The following KIF26B variants were observed in gnomAD, a reference collection of about 807,000 sequenced individuals.
The protein encoded by KIF26B is kinesin-like protein KIF26B.
KIF26B carries 63 observed loss-of-function variants against 151.2 expected under a neutral mutation model. That is an observed-to-expected ratio of 0.42 (90% CI 0.34 to 0.51). The LOEUF (loss-of-function observed/expected upper bound fraction) is 0.51, where lower values mean the gene tolerates loss of function less well. KIF26B is among the 20% of genes least tolerant of loss of function. The pLI, the probability that KIF26B is intolerant of heterozygous loss-of-function variation, is 0.07. For synonymous variants in KIF26B, 1,357 were observed against 1,262.1 expected (o/e 1.08, Z -1.59); for missense variants, 2,813 against 2,913.6 (o/e 0.97, Z 0.79).
intron 2 of KIF26B, among the ~76,000 whole-genome samples, chr1:245,168,870 C>G (rs1282817484): frequency 6.6e-6 from 1 of 152,172 alleles, no homozygotes. Context: ...GAGGCCCATG[C>G]AGTTATCATC....
At chr1:245,616,126 A>G (rs1281851989) in intron 9 of KIF26B, among the ~76,000 whole-genome samples, 2 of 152,216 alleles carry the variant, frequency 1.3e-5, no homozygotes. Context: ...TTACACACAA[A>G]TGCATTTTAC....
chr1:245,521,308 T>G (rs916064465), intron 4 of KIF26B, among the ~76,000 whole-genome samples: 36 of 148,168 alleles, frequency 2.4e-4, no homozygotes, highest in African/African-American at 8.3e-4. Flanking sequence ...CTGCACTCCA[T>G]CCAGCCTGAG....
Position 245,446,171 on chromosome 1 carries a change from G to A in KIF26B, c.1166+26426G>A, listed in dbSNP as rs568247230. Among the ~76,000 whole-genome samples, 5 of 152,290 alleles carry A rather than the reference G, an allele frequency of 3.3e-5. No individual in the cohort carries two copies. The South Asian group carries it at 1.0e-3, about 32-fold the overall frequency. ...TTCTAGGCTATAAACAGTATAGCAT[G>A]TTACTGTACTGAGCGCTTTAGGCAG... On this transcript the variant is annotated intron_variant, in intron 4 of 14. Transcript: ENST00000407071.
chr1:245,352,975 G>A lies in KIF26B; in HGVS notation c.466-13859G>A, dbSNP rs907203336. On this transcript the variant is annotated intron_variant, in intron 2 of 14. Transcript: ENST00000407071. This position sits in a 1 kb window ranked among gnomAD's most constrained non-coding sequence, Gnocchi z 5.0. ...CTCATATTATTCATACGATTATCAC[G>A]TTAGAGGTTTTGGAGTTGTAGTGGC... Among the ~76,000 whole-genome samples the A allele has an allele frequency of 2.6e-5, 4 of 152,120 alleles. No homozygotes were observed. Among genetic ancestry groups the A allele is most frequent in the African/African-American group, 9.7e-5 (4 of 41,422 alleles).
chr1:245,255,925 A>G (rs190970019), intron 2 of KIF26B, among the ~76,000 whole-genome samples: 89 of 152,240 alleles, frequency 5.8e-4, no homozygotes, highest in Admixed American at 1.5e-3. Context: ...ATGGTACTTA[A>G]AGTTAGTAAA....
chr1:245,351,604 G>A (rs1158979467), intron 2 of KIF26B, among the ~76,000 whole-genome samples: 1 of 152,200 alleles, frequency 6.6e-6, no homozygotes, highest in African/African-American at 2.4e-5. Context: ...CAGCAGCAGG[G>A]GATAAGTGTT....
chr1:245,517,782 T>A (rs181780352), intron 4 of KIF26B, among the ~76,000 whole-genome samples: 175 of 151,362 alleles, frequency 1.2e-3, no homozygotes, highest in Admixed American at 3.8e-3. Context: ...GAGCAGGAGG[T>A]GGCTGGGAAG....
intron 3 of KIF26B, among the ~76,000 whole-genome samples, chr1:245,379,893 C>G (rs1441041180): frequency 6.6e-6 from 1 of 151,798 alleles, no homozygotes; most frequent in Non-Finnish European, 1.5e-5. Context: ...ATCGCTTGAA[C>G]CCGGGCGGCA....
At chr1:245,621,138 A>G (rs2043654386) in intron 9 of KIF26B, among the ~76,000 whole-genome samples, 1 of 152,192 alleles carries the variant, frequency 6.6e-6, no homozygotes, top group Admixed American at 6.5e-5. Flanking sequence ...AGTGGGAACC[A>G]GACGTCAATA....
At chr1:245,326,703 C>T (rs1671997555) in intron 2 of KIF26B, among the ~76,000 whole-genome samples, 2 of 152,216 alleles carry the variant, frequency 1.3e-5, no homozygotes, top group Non-Finnish European at 2.9e-5. Context: ...CTCATAGAAG[C>T]AGTCAGGAGG....
At chr1:245,693,938 T>C (rs1434036684) in intron 12 of KIF26B, among the ~76,000 whole-genome samples, 1 of 152,212 alleles carries the variant, frequency 6.6e-6, no homozygotes, top group Non-Finnish European at 1.5e-5. Flanking sequence ...AATGAGAGCC[T>C]TTTTGAATAC....
intron 3 of KIF26B, 91 bp from the exon 4 acceptor site, chr1:245,419,488 G>C (rs1350533129): frequency 8.0e-7 from 1 of 1,245,466 alleles, no homozygotes; most frequent in African/African-American, 1.5e-5. Context: ...GTTCCCTCTT[G>C]CCTCCCTCCC....
chr1:245,435,934 T>G (rs757735699), intron 4 of KIF26B, among the ~76,000 whole-genome samples: 10 of 152,128 alleles, frequency 6.6e-5, no homozygotes, highest in Non-Finnish European at 1.0e-4. Flanking sequence ...ATCTCAGCAC[T>G]TTGGGAGGCC....
At chr1:245,234,876 C>G (rs1670075008) in intron 2 of KIF26B, among the ~76,000 whole-genome samples, 1 of 152,210 alleles carries the variant, frequency 6.6e-6, no homozygotes, top group Non-Finnish European at 1.5e-5. Flanking sequence ...CCTCCGCCAG[C>G]AGCAGTGGGC....
chr1:245,355,982 G>A (rs184822981), intron 2 of KIF26B, among the ~76,000 whole-genome samples: 68 of 152,196 alleles, frequency 4.5e-4, no homozygotes, highest in African/African-American at 1.6e-3. Context: ...ACACCACACC[G>A]TCACCTGGGT....
chr1:245,447,211 G>A (rs1659267831), intron 4 of KIF26B, among the ~76,000 whole-genome samples: 1 of 152,132 alleles, frequency 6.6e-6, no homozygotes, highest in Admixed American at 6.5e-5. Flanking sequence ...CATCTTCTGC[G>A]GTGCTTTAGG....
chr1:245,390,948 A>AACAAAACAAAAC (rs1673682298), intron 3 of KIF26B, among the ~76,000 whole-genome samples: 3 of 127,842 alleles, frequency 2.3e-5, no homozygotes, highest in African/African-American at 8.8e-5. Context: ...AAAAAAAAAA[A>AACAAAACAAAAC]AAAACCACCA....
chr1:245,381,671 T>A (rs767503160), intron 3 of KIF26B, among the ~76,000 whole-genome samples: 14 of 152,136 alleles, frequency 9.2e-5, no homozygotes, highest in Admixed American at 4.6e-4. Flanking sequence ...TCCATCCACC[T>A]CCAGAATACT....
chr1:245,678,288 A>T (rs986738894), intron 10 of KIF26B, among the ~76,000 whole-genome samples: 3 of 151,704 alleles, frequency 2.0e-5, no homozygotes, highest in Admixed American at 2.0e-4. Flanking sequence ...TAGGGCTGGG[A>T]GATCAGAGCT....
Sources: allele counts gnomAD v4.1 joint callset (sites outside exome capture counted in the v4.1 genomes callset), GRCh38; gene constraint gnomAD v4.1.1; non-coding constraint Gnocchi (gnomAD v3.1); transcripts MANE v1.5; gene names NCBI Gene and HGNC (gene_info 2026-07-23, HGNC 2026-07-21).